Variants in ADAM10 observed in about 807,000 individuals in gnomAD.
ADAM10 encodes disintegrin and metalloproteinase domain-containing protein 10.
A neutral mutation model predicts 90.1 loss-of-function variants in ADAM10; 17 were observed. That is an observed-to-expected ratio of 0.19 (90% confidence interval 0.13 to 0.28). The LOEUF (loss-of-function observed/expected upper bound fraction) is 0.28, where lower values mean the gene tolerates loss of function less well. ADAM10 is among the 10% of genes least tolerant of loss of function. The pLI is 1.00. For synonymous variants in ADAM10, 310 were observed against 298.6 expected, an observed-to-expected ratio of 1.04 and a Z score of -0.40; for missense variants, 610 against 914.3, an observed-to-expected ratio of 0.67 and a Z score of 4.29.
intron 1 of ADAM10, among the ~76,000 whole-genome samples, chr15:58,730,525 CT>C (rs1204736971): frequency 1.3e-5 from 2 of 151,916 alleles, no homozygotes. Flanking sequence ...GGTATCAAAT[CT>C]TTGGTAAGTC....
chr15:58,720,230 T>C (rs183641420), intron 1 of ADAM10, among the ~76,000 whole-genome samples: 11 of 152,282 alleles, frequency 7.2e-5, no homozygotes, highest in Non-Finnish European at 1.3e-4. Flanking sequence ...TAAACTACTA[T>C]TGAGTTACTT....
chr15:58,714,660 T>C (rs1473165946), intron 2 of ADAM10, among the ~76,000 whole-genome samples: 2 of 152,152 alleles, frequency 1.3e-5, no homozygotes, highest in Admixed American at 6.5e-5. Flanking sequence ...TTCAAAGTTA[T>C]ATTTATTATG....
At chr15:58,606,758 T>C (rs1488731506) in intron 14 of ADAM10, among the ~76,000 whole-genome samples, 1 of 152,244 alleles carries the variant, frequency 6.6e-6, no homozygotes, top group African/African-American at 2.4e-5. Flanking sequence ...GGGTCTGGAA[T>C]GGAACGTAAG....
intron 1 of ADAM10, among the ~76,000 whole-genome samples, chr15:58,726,560 A>T (rs1264430364): frequency 1.4e-4 from 11 of 80,416 alleles, no homozygotes; most frequent in African/African-American, 5.7e-4. Context: ...GCGAGACCTC[A>T]GTCTCCCAAA....
intron 1 of ADAM10, among the ~76,000 whole-genome samples, chr15:58,736,600 G>A (rs984885173): frequency 7.2e-5 from 11 of 151,970 alleles, no homozygotes; most frequent in African/African-American, 2.2e-4. Context: ...AAATGAAACA[G>A]AGGGAAAAAA....
rs1027296983 is a variant in ADAM10, at chr15:58,682,412, G to A, written c.207-98C>T. 1.5e-5 allele frequency: 22 copies of A among 1,485,202 alleles called. No individual in the cohort carries two copies. The African/African-American group carries it at 3.0e-4, about 20-fold the overall frequency. 92.0% of individuals were successfully genotyped at this position (1,485,202 alleles called of 1,614,324 possible). On this transcript the variant is annotated intron_variant, in intron 2 of 15. Transcript: ENST00000260408. The stretch of plus-strand genomic sequence containing the variant: ...TTAAAAAGTCTACAAAATGTGGACT[G>A]TTATGAAATTTGTCTATTTGTGAAA...
chr15:58,659,220 C>T (rs1173709210), intron 5 of ADAM10, among the ~76,000 whole-genome samples: 2 of 151,582 alleles, frequency 1.3e-5, no homozygotes, highest in Admixed American at 6.6e-5. Flanking sequence ...TTGCAGTGGG[C>T]CGAGATCACA....
At chr15:58,627,912 A>G (rs1327364547) in intron 9 of ADAM10, 29 bp from the exon 10 acceptor site, 1 of 1,608,128 alleles carries the variant, frequency 6.2e-7, no homozygotes, top group East Asian at 2.2e-5. Context: ...AGTTACATAA[A>G]CAGGAAGTAA....
At chr15:58,728,581 T>TA (rs1326870458) in intron 1 of ADAM10, among the ~76,000 whole-genome samples, 33 of 150,668 alleles carry the variant, frequency 2.2e-4, no homozygotes, top group African/African-American at 3.7e-4. Flanking sequence ...CTCTATTTTT[T>TA]AAAAAAAAAG....
chr15:58,634,955 G>A (rs1418575953), intron 8 of ADAM10, among the ~76,000 whole-genome samples: 2 of 152,056 alleles, frequency 1.3e-5, no homozygotes, highest in Admixed American at 6.6e-5. Context: ...ATTATACTAC[G>A]ACTGTTGCCT....
Position 58,593,808 on chromosome 15 carries a change from G to T in ADAM10, c.*3739C>A, listed in dbSNP as rs1450237516. 1.3e-5 allele frequency: 2 copies of T among 152,098 alleles called. No homozygotes were observed. Among genetic ancestry groups the T allele is most frequent in the African/African-American group, 4.8e-5 (2 of 41,406 alleles). 9.4% of individuals were successfully genotyped at this position (152,098 alleles called of 1,614,324 possible). On this transcript the variant is annotated 3_prime_UTR_variant, in exon 16 of 16. Coordinates refer to ENST00000260408, the MANE Select transcript of ADAM10 (RefSeq NM_001110.4). ...AGAACTTACCAATTATAAAATACAT[G>T]AATTTCTACTGAAAATAGTACATAC...
At chr15:58,656,728 T>A (rs1896837710) in intron 5 of ADAM10, among the ~76,000 whole-genome samples, 1 of 152,226 alleles carries the variant, frequency 6.6e-6, no homozygotes, top group Non-Finnish European at 1.5e-5. Flanking sequence ...AAGATATGAG[T>A]AATTTATATA....
chr15:58,692,887 G>T, intron 2 of ADAM10: 1 of 684,536 alleles, frequency 1.5e-6, no homozygotes. Flanking sequence ...CTTGGCAATG[G>T]CTCCCAAATT....
chr15:58,618,621 T>G (rs1420629713), intron 11 of ADAM10, among the ~76,000 whole-genome samples: 4 of 152,074 alleles, frequency 2.6e-5, no homozygotes, highest in African/African-American at 9.7e-5. Context: ...TTCATCTGAC[T>G]AGGGACTGAT....
At chr15:58,627,068 CA>C (rs1895969445) in intron 10 of ADAM10, among the ~76,000 whole-genome samples, 1 of 152,018 alleles carries the variant, frequency 6.6e-6, no homozygotes, top group Non-Finnish European at 1.5e-5. Context: ...AGTAGATGTA[CA>C]AACTAGGACA....
intron 2 of ADAM10, among the ~76,000 whole-genome samples, chr15:58,709,071 G>A (rs1360182296): frequency 6.6e-6 from 1 of 152,032 alleles, no homozygotes; most frequent in Non-Finnish European, 1.5e-5. Flanking sequence ...CACCAAACAA[G>A]CATATTCAAA....
chr15:58,686,501 G>A, intron 2 of ADAM10: 1 of 1,424,022 alleles, frequency 7.0e-7, no homozygotes, highest in Non-Finnish European at 9.8e-7. Context: ...TGTCTCTCAG[G>A]CAGCCGCAGA....
intron 2 of ADAM10, among the ~76,000 whole-genome samples, chr15:58,702,537 A>T (rs1480139676): frequency 6.6e-6 from 1 of 152,246 alleles, no homozygotes; most frequent in East Asian, 1.9e-4. Context: ...ATCATTTCAC[A>T]TTGTATGCAT....
At chr15:58,706,882 A>G (rs1307761233) in intron 2 of ADAM10, among the ~76,000 whole-genome samples, 5 of 150,322 alleles carry the variant, frequency 3.3e-5, no homozygotes, top group Admixed American at 6.6e-5. Context: ...GGTGGCGTGC[A>G]TATGTAATCC....
Sources: gnomAD v4.1 joint callset for allele counts (sites outside exome capture counted in the v4.1 genomes callset) on GRCh38, gnomAD v4.1.1 for gene constraint, MANE v1.5 for transcripts, NCBI Gene and HGNC (gene_info 2026-07-23, HGNC 2026-07-21) for gene names.